CECR2: variants seen among roughly 807,000 people sequenced by gnomAD.
The protein encoded by CECR2 is chromatin remodeling regulator CECR2.
In CECR2, 30 loss-of-function variants were observed where a neutral mutation model predicts 154.5. The ratio of observed to expected loss-of-function variants is 0.19; its 90% confidence interval spans 0.15 to 0.26. The LOEUF (loss-of-function observed/expected upper bound fraction) is 0.26, where lower values mean the gene tolerates loss of function less well. Ranked by LOEUF, CECR2 falls within the 10% of genes least tolerant of loss-of-function variation. The probability of loss-of-function intolerance (pLI) is 1.00; values close to 1 mark genes in which losing one functional copy is unlikely to be tolerated. For missense variants in CECR2, 1,743 were observed against 1,829.3 expected (o/e 0.95, Z 0.86); for synonymous variants, 725 against 683.7 (o/e 1.06, Z -0.94).
chr22:17,446,492 C>T (rs1010622148), intron 1 of CECR2, among the ~76,000 whole-genome samples: 19 of 152,156 alleles, frequency 1.2e-4, no homozygotes, highest in African/African-American at 4.1e-4. Flanking sequence ...CCGAGGCGGG[C>T]GGATCACGAG....
intron 2 of CECR2, among the ~76,000 whole-genome samples, chr22:17,491,922 T>C (rs1474903287): frequency 6.6e-6 from 1 of 152,242 alleles, no homozygotes; most frequent in East Asian, 1.9e-4. Context: ...TTTTAACTTA[T>C]CTTGGCTGTC....
At position 17,533,700 on chromosome 22, in the gene CECR2, TTTTGTTTGTTTG is replaced by T. The variant is rs34947830; in HGVS notation, c.1109-3383_1109-3372del. ...TCATATAAAAGAGCAAAGGGCCTTTTTTTGTTTGTTTGTTTGTTTGTTTGTTTGTTTTTGAGA... is the reference window on the plus strand; with the variant it reads ...TCATATAAAAGAGCAAAGGGCCTTTTTTTGTTTGTTTGTTTGTTTTTGAGA... On this transcript the variant is annotated intron_variant, in intron 9 of 18. Transcript: ENST00000262608. Among the ~76,000 whole-genome samples, 21 of 150,052 alleles carry T rather than the reference TTTTGTTTGTTTG, an allele frequency of 1.4e-4. 1 individual carries two copies. Among genetic ancestry groups the T allele is most frequent in the South Asian group, 4.3e-4 (2 of 4,702 alleles).
chr22:17,456,507 C>T (rs1041906391), intron 1 of CECR2, among the ~76,000 whole-genome samples: 8 of 152,136 alleles, frequency 5.3e-5, no homozygotes, highest in African/African-American at 1.7e-4. Flanking sequence ...GCAAAAAGCC[C>T]TTCAAGTTGG....
intron 1 of CECR2, among the ~76,000 whole-genome samples, chr22:17,453,664 C>A (rs894045904): frequency 1.3e-5 from 2 of 152,148 alleles, no homozygotes; most frequent in Admixed American, 1.3e-4. Context: ...ATGATACCAA[C>A]ATGACTGGCA....
chr22:17,462,501 T>C (rs184642748), intron 1 of CECR2, among the ~76,000 whole-genome samples: 1 of 152,354 alleles, frequency 6.6e-6, no homozygotes, highest in East Asian at 1.9e-4. Flanking sequence ...TGGAGGCTTC[T>C]ACACGAAAGC....
chr22:17,535,730 GA>G (rs35949817), intron 9 of CECR2, among the ~76,000 whole-genome samples: 22,484 of 146,142 alleles, frequency 0.15, 1,994 homozygotes, highest in Non-Finnish European at 0.2. Context: ...CTTAGAAGTC[GA>G]AAAAAAAAAT....
chr22:17,538,843 T>C, intron 12 of CECR2, 112 bp downstream of exon 12: 1 of 1,309,792 alleles, frequency 7.6e-7, no homozygotes, highest in Non-Finnish European at 1.1e-6. Context: ...TCTTTTCAAC[T>C]GTCAAAAGTT....
intron 2 of CECR2, among the ~76,000 whole-genome samples, chr22:17,489,461 A>G (rs367959883): frequency 1.7e-4 from 26 of 151,804 alleles, no homozygotes; most frequent in African/African-American, 6.0e-4. Flanking sequence ...TAATTTATTT[A>G]TTGACTTTTT....
At chr22:17,413,964 A>G (rs1425180116) in intron 1 of CECR2, among the ~76,000 whole-genome samples, 2 of 134,702 alleles carry the variant, frequency 1.5e-5, no homozygotes, top group Non-Finnish European at 3.1e-5. Context: ...GGCGTGAACC[A>G]CCGCGCCCGG....
chr22:17,441,308 A>T (rs5992712), intron 1 of CECR2, among the ~76,000 whole-genome samples: 1,595 of 152,264 alleles, frequency 0.01, 24 homozygotes, highest in African/African-American at 0.036. Flanking sequence ...GTTGTTGGGA[A>T]TCTGGGATGG....
intron 1 of CECR2, among the ~76,000 whole-genome samples, chr22:17,436,216 C>T (rs1601354068): frequency 6.6e-6 from 1 of 152,178 alleles, no homozygotes; most frequent in Non-Finnish European, 1.5e-5. Flanking sequence ...CCTCGGCTTC[C>T]CAAAGTGCTG....
intron 9 of CECR2, among the ~76,000 whole-genome samples, chr22:17,527,248 A>G (rs2056280685): frequency 6.6e-6 from 1 of 152,206 alleles, no homozygotes; most frequent in African/African-American, 2.4e-5. Flanking sequence ...GTTTTAGCAC[A>G]GGAGTTCAAG....
At chr22:17,398,205 G>T (rs2053841641) in intron 1 of CECR2, among the ~76,000 whole-genome samples, 2 of 148,986 alleles carry the variant, frequency 1.3e-5, no homozygotes, top group East Asian at 1.9e-4. Context: ...TAACAAAGTG[G>T]GGGGGGGTAT....
chr22:17,415,079 C>T (rs559696726), intron 1 of CECR2, among the ~76,000 whole-genome samples: 2 of 152,100 alleles, frequency 1.3e-5, no homozygotes, highest in Non-Finnish European at 1.5e-5. Context: ...AGAAGCCATT[C>T]GTGTTGGTGC....
At chr22:17,378,029 G>T (rs1046719455) in intron 1 of CECR2, among the ~76,000 whole-genome samples, 1 of 152,102 alleles carries the variant, frequency 6.6e-6, no homozygotes, top group African/African-American at 2.4e-5. Flanking sequence ...TGTTGCCCAG[G>T]CTGGAGTGCA....
At chr22:17,381,956 T>A (rs557734711) in intron 1 of CECR2, among the ~76,000 whole-genome samples, 1 of 152,008 alleles carries the variant, frequency 6.6e-6, no homozygotes, top group Non-Finnish European at 1.5e-5. Context: ...GGCACAATCT[T>A]GGCTCACTGC....
In CECR2 at chr22:17,548,450, A is replaced by C. The variant is rs776623814; in HGVS notation, c.3163A>C (p.Asn1055His). 6.2e-7 allele frequency: 1 copy of C among 1,614,006 alleles called. No individual in the cohort carries two copies. Reference sequence around the variant, plus strand: ...GGCAGACAGGGGCGCTCTATCCGAGAACGGAGTCATTGGGGAAGCATCTCC... The same window carrying C: ...GGCAGACAGGGGCGCTCTATCCGAGCACGGAGTCATTGGGGAAGCATCTCC... Reference protein sequence around the residue: ...TVADRGALSENGVIGEASPCG... With the variant: ...TVADRGALSEHGVIGEASPCG... Residue 1055 changes from asparagine (N) to histidine (H), a missense_variant, in exon 17 of 19, where the codon AAC (asparagine) becomes CAC (histidine). Asn to His is a moderately conservative substitution (Grantham distance 68). Around this residue, in one of 4 missense-constraint regions of CECR2, gnomAD observed 1,250 missense variants for 1,192.1 expected, o/e 1.05. Transcript: ENST00000262608.
chr22:17,550,810 T>G (rs940044849), intron 17 of CECR2, among the ~76,000 whole-genome samples: 1 of 151,970 alleles, frequency 6.6e-6, no homozygotes, highest in African/African-American at 2.4e-5. Context: ...GGCGTGGTGG[T>G]GGGCACCTGT....
At position 17,541,883 on chromosome 22, in the gene CECR2, T is replaced by G. The variant is rs1347948871; in HGVS notation, c.1929T>G (p.Asp643Glu). The G allele has an allele frequency of 1.2e-6, 2 of 1,614,016 alleles. No individual in the cohort carries two copies. Among genetic ancestry groups the G allele is most frequent in the South Asian group, 2.2e-5 (2 of 91,082 alleles). Reference sequence around the variant, plus strand: ...CATTTGGCCCTCTGCGAGGATCAGATCCTGCCACCTTGTATGGCTCCTCTG... The same window carrying G: ...CATTTGGCCCTCTGCGAGGATCAGAGCCTGCCACCTTGTATGGCTCCTCTG... ...PGTFGPLRGSDPATLYGSSGV... is the reference protein window; with the variant it reads ...PGTFGPLRGSEPATLYGSSGV... The change falls in exon 15 of 19, where the codon GAT becomes GAG. Residue 643 changes from aspartate (D) to glutamate (E), a missense_variant. Around this residue, in one of 4 missense-constraint regions of CECR2, gnomAD observed 1,250 missense variants for 1,192.1 expected, o/e 1.05. Coordinates refer to ENST00000262608, the MANE Select transcript of CECR2 (RefSeq NM_001290047.2).
Sources: allele counts gnomAD v4.1 joint callset (sites outside exome capture counted in the v4.1 genomes callset), GRCh38; gene constraint gnomAD v4.1.1; regional missense constraint gnomAD v4.1.1; transcripts MANE v1.5; gene names NCBI Gene and HGNC (gene_info 2026-07-23, HGNC 2026-07-21).